The following RSF1 variants were observed in gnomAD, a reference collection of about 807,000 sequenced individuals.
RSF1 encodes remodeling and spacing factor 1.
RSF1 carries 13 observed loss-of-function variants against 145.2 expected under a neutral mutation model. The ratio of observed to expected loss-of-function variants is 0.09; its 90% CI spans 0.06 to 0.14. The LOEUF is 0.14. RSF1 is among the 10% of genes least tolerant of loss of function. RSF1 has a pLI of 1.00. For missense variants in RSF1, 1,517 were observed against 1,718.2 expected (o/e 0.88, Z 2.07); for synonymous variants, 577 against 592.6 (o/e 0.97, Z 0.38).
intron 1 of RSF1, among the ~76,000 whole-genome samples, chr11:77,797,974 T>C (rs1948589380): frequency 6.6e-6 from 1 of 152,206 alleles, no homozygotes; most frequent in Non-Finnish European, 1.5e-5. Context: ...TCACGCCAGT[T>C]AGAATGGCAA....
intron 7 of RSF1, 56 bp from the exon 8 acceptor site, chr11:77,693,667 G>C: frequency 8.2e-7 from 1 of 1,217,526 alleles, no homozygotes; most frequent in Non-Finnish European, 1.2e-6. Flanking sequence ...ATGACTCTTA[G>C]GTTAAAGACG....
At chr11:77,854,870 A>G in the RSF1 span, among the ~76,000 whole-genome samples, 3 of 152,186 alleles carry the variant, frequency 2.0e-5, no homozygotes, top group African/African-American at 7.2e-5. Context: ...CATGAGGGCT[A>G]CGCACCCCCA....
At chr11:77,794,491 C>T (rs577698998) in intron 1 of RSF1, among the ~76,000 whole-genome samples, 104 of 151,386 alleles carry the variant, frequency 6.9e-4, no homozygotes, top group Admixed American at 3.8e-3. Context: ...AAGACAAGCC[C>T]GGGCAAAATA....
At chr11:77,698,716 G>C in intron 6 of RSF1, 23 bp from the exon 7 acceptor site, 1 of 1,589,476 alleles carries the variant, frequency 6.3e-7, no homozygotes, top group Non-Finnish European at 8.6e-7. Flanking sequence ...AAAAAAAATT[G>C]GGATAATTTG....
the RSF1 span, among the ~76,000 whole-genome samples, chr11:77,850,009 T>A: frequency 6.6e-6 from 1 of 152,224 alleles, no homozygotes. Context: ...TCCCTAAGGT[T>A]AGCAAGAACT....
At chr11:77,741,650 A>G (rs924582441) in intron 3 of RSF1, among the ~76,000 whole-genome samples, 10 of 152,198 alleles carry the variant, frequency 6.6e-5, no homozygotes, top group Non-Finnish European at 1.2e-4. Context: ...ATAGTGTGGA[A>G]TGGCTAAACC....
chr11:77,820,561 G>C lies in RSF1; in HGVS notation c.154C>G (p.Gln52Glu). ...TTGCCGACGTCCGGCGGCGGCGCCT[G>C]CAGCACCCGCTCCAGCTCAGGGAAC... Reference protein sequence around the residue: ...LPFPELERVLQAPPPDVGNGE... With the variant: ...LPFPELERVLEAPPPDVGNGE... The change falls in exon 1 of 16, where the codon CAG becomes GAG. Residue 52 changes from glutamine to glutamate, a missense_variant. Gln to Glu is a conservative substitution (Grantham distance 29). Coordinates refer to ENST00000308488, the MANE Select transcript of RSF1 (RefSeq NM_016578.4). The C allele has an allele frequency of 6.4e-7, 1 of 1,552,448 alleles. No homozygotes were observed. The highest frequency in any genetic ancestry group is 8.7e-7 in the Non-Finnish European group (1 of 1,149,036).
Position 77,820,692 on chromosome 11 carries a change from G to A in RSF1, c.23C>T (p.Ala8Val). Residue 8 changes from alanine to valine, a missense_variant, in exon 1 of 16, where the codon GCG becomes GTG. Transcript: ENST00000308488. MATAAAA[A>V]AVMAPPGCPG... ...GCAGCCCGGAGGAGCCATCACCGCC[G>A]CCGCTGCCGCCGCCGTCGCCATTTT... The A allele has an allele frequency of 1.7e-5, 26 of 1,550,186 alleles. No individual in the cohort carries two copies. Among genetic ancestry groups the A allele is most frequent in the Non-Finnish European group, 2.2e-5 (25 of 1,148,224 alleles).
rs1960398075 is a variant in RSF1, at chr11:77,700,711, CAA to C, written c.2508+8_2508+9del. The C allele has an allele frequency of 6.5e-7, 1 of 1,539,444 alleles. No homozygotes were observed. The highest frequency in any genetic ancestry group is 2.2e-5 in the Admixed American group (1 of 46,192). ...CAAATATTTTTAATTAAAGTTAAGA[CAA>C]GTTTTACCTTGCTTACTTTAGAATT... On this transcript the variant is annotated splice_region_variant and intron_variant, in intron 6 of 15. Coordinates refer to ENST00000308488, the MANE Select transcript of RSF1 (RefSeq NM_016578.4).
chr11:77,870,189 T>A, the RSF1 span: 1 of 151,650 alleles, frequency 6.6e-6, no homozygotes, highest in Admixed American at 6.6e-5. Flanking sequence ...ATTTAATTTT[T>A]TTTTTTTTTA....
chr11:77,769,068 A>T (rs1306415607), intron 1 of RSF1, among the ~76,000 whole-genome samples: 1 of 151,992 alleles, frequency 6.6e-6, no homozygotes, highest in Non-Finnish European at 1.5e-5. Flanking sequence ...TCATATATAT[A>T]TTTTTTTGAG....
the RSF1 span, chr11:77,868,643 C>CT: frequency 4.1e-4 from 60 of 147,432 alleles, no homozygotes; most frequent in East Asian, 4.0e-4. Context: ...ACCTGGCCAC[C>CT]TTTTTTTTTT....
intron 1 of RSF1, among the ~76,000 whole-genome samples, chr11:77,799,281 G>A (rs995430183): frequency 2.0e-5 from 3 of 152,002 alleles, no homozygotes; most frequent in Admixed American, 6.6e-5. Flanking sequence ...AATATGAGGC[G>A]GGAGGATCAC....
chr11:77,869,697 G>A, the RSF1 span: 12 of 1,606,042 alleles, frequency 7.5e-6, no homozygotes, highest in Non-Finnish European at 9.4e-6. Flanking sequence ...GCAGGTACCT[G>A]TCTACTTTCT....
At position 77,693,027 on chromosome 11, in the gene RSF1, C is replaced by T. The variant is rs541092308; in HGVS notation, c.2820+480G>A. Among the ~76,000 whole-genome samples, 10 of 152,162 alleles carry T rather than the reference C, an allele frequency of 6.6e-5. No homozygotes were observed. The South Asian group carries it at 2.1e-3, about 32-fold the overall frequency. ...AAGTAGGTTTGTGAGAGAAATGTAA[C>T]CAATGAGCACAGCAGCACAGAAATA... On this transcript the variant is annotated intron_variant, in intron 8 of 15. Coordinates refer to ENST00000308488, the MANE Select transcript of RSF1 (RefSeq NM_016578.4).
Position 77,683,694 on chromosome 11 carries a change from T to A in RSF1, c.3065+16A>T. On this transcript the variant is annotated intron_variant, in intron 11 of 15. Coordinates refer to ENST00000308488, the MANE Select transcript of RSF1 (RefSeq NM_016578.4). ...TAAATCCTCTTTTGCTGTAGACATT[T>A]CCATACACTTCATACCTGTAGCTTA... 3 of 1,549,862 alleles carry A rather than the reference T, an allele frequency of 1.9e-6. No homozygotes were observed. The highest frequency in any genetic ancestry group is 2.7e-6 in the Non-Finnish European group (3 of 1,124,026).
the RSF1 span, among the ~76,000 whole-genome samples, chr11:77,868,256 C>G: frequency 6.6e-6 from 1 of 151,262 alleles, no homozygotes; most frequent in African/African-American, 2.4e-5. Context: ...GGGGTTTCAC[C>G]GTGTTAGCCA....
Position 77,765,931 on chromosome 11 carries a change from A to G in RSF1, c.188-1242T>C, listed in dbSNP as rs139701274. Among the ~76,000 whole-genome samples the G allele has an allele frequency of 1.9e-3, 295 of 152,200 alleles. 2 individuals are homozygous for G. The highest frequency in any genetic ancestry group is 3.6e-3 in the Non-Finnish European group (244 of 68,002). On this transcript the variant is annotated intron_variant, in intron 1 of 15. Transcript: ENST00000308488. ...CCCGGCTAGTTTTTGCATTTTTAGT[A>G]GAGACAGGGTTTCACCACGTTGGCC...
intron 9 of RSF1, among the ~76,000 whole-genome samples, chr11:77,686,417 A>AAAAAAAAAAAAAAAAAAAAAAAAC (rs1960007880): frequency 6.7e-6 from 1 of 148,816 alleles, no homozygotes. Flanking sequence ...TCAAAAAAAA[A>AAAAAAAAAAAAAAAAAAAAAAAAC]AAAAAAAAAA....
Sources: gnomAD v4.1 joint callset for allele counts (sites outside exome capture counted in the v4.1 genomes callset) on GRCh38, gnomAD v4.1.1 for gene constraint, MANE v1.5 for transcripts, NCBI Gene and HGNC (gene_info 2026-07-23, HGNC 2026-07-21) for gene names.